Variants in SYNPO2 observed in about 807,000 individuals in gnomAD.
SYNPO2 encodes synaptopodin-2.
Under a neutral mutation model 85.0 loss-of-function variants are expected in SYNPO2, and 56 were observed. That is an observed-to-expected ratio of 0.66 (90% CI 0.53 to 0.82). SYNPO2 has a LOEUF of 0.82. Among genes scored for constraint, SYNPO2 ranks in the 40% least tolerant of loss-of-function variants. SYNPO2 has a pLI of 0.00. For missense variants in SYNPO2, 1,575 were observed against 1,534.2 expected (o/e 1.03, Z -0.44); for synonymous variants, 602 against 591.1 (o/e 1.02, Z -0.27).
intron 1 of SYNPO2, among the ~76,000 whole-genome samples, chr4:118,877,094 C>T (rs1731940010): frequency 6.6e-6 from 1 of 152,094 alleles, no homozygotes; most frequent in African/African-American, 2.4e-5. Flanking sequence ...GGAGCCACTG[C>T]ACCTGGCCTT....
intron 4 of SYNPO2, among the ~76,000 whole-genome samples, chr4:119,053,433 A>G (rs781600325): frequency 6.6e-6 from 1 of 152,208 alleles, no homozygotes. Context: ...CATGTTCGTC[A>G]GTCTGGGGAA....
chr4:118,957,695 G>A (rs1401585139), intron 1 of SYNPO2, among the ~76,000 whole-genome samples: 1 of 152,150 alleles, frequency 6.6e-6, no homozygotes, highest in Non-Finnish European at 1.5e-5. Context: ...CTTTCACTAT[G>A]TAATAAAATG....
intron 1 of SYNPO2, among the ~76,000 whole-genome samples, chr4:118,889,448 C>T (rs1560827291): frequency 6.6e-6 from 1 of 152,138 alleles, no homozygotes; most frequent in African/African-American, 2.4e-5. Flanking sequence ...AGCGTTTCTT[C>T]CAGGCAATTT....
At chr4:119,032,988 GA>G (rs1738347848) in intron 4 of SYNPO2, 1 of 960,814 alleles carries the variant, frequency 1.0e-6, no homozygotes, top group Non-Finnish European at 1.2e-6. Flanking sequence ...AGTTGCCCAT[GA>G]AAGCATAAGT....
intron 1 of SYNPO2, among the ~76,000 whole-genome samples, chr4:118,993,062 A>G (rs1177814109): frequency 1.3e-5 from 2 of 152,212 alleles, no homozygotes; most frequent in Non-Finnish European, 2.9e-5. Context: ...AGATAATAAG[A>G]GTAGATATGC....
At chr4:118,885,619 T>C (rs1024222881), upstream of SYNPO2, among the ~76,000 whole-genome samples, 2 of 152,028 alleles carry the variant, frequency 1.3e-5, no homozygotes, top group African/African-American at 2.4e-5. Context: ...ATTACAGGTG[T>C]GCACCACCAC....
intron 1 of SYNPO2, among the ~76,000 whole-genome samples, chr4:118,947,381 G>T (rs1734545613): frequency 6.6e-6 from 1 of 152,142 alleles, no homozygotes; most frequent in African/African-American, 2.4e-5. Flanking sequence ...TCTATGCCTG[G>T]ATTCCCATAC....
intron 1 of SYNPO2, among the ~76,000 whole-genome samples, chr4:118,900,719 A>ATGTCTG (rs1732717436): frequency 8.2e-6 from 1 of 121,852 alleles, no homozygotes; most frequent in Non-Finnish European, 1.7e-5. Context: ...ATATATATAT[A>ATGTCTG]TATATATATA....
chr4:118,969,325 C>G (rs1735439407), intron 1 of SYNPO2, among the ~76,000 whole-genome samples: 1 of 152,324 alleles, frequency 6.6e-6, no homozygotes. Context: ...TTGTATATGG[C>G]TCCAAAACTG....
At chr4:118,935,410 C>T (rs1734067342) in intron 1 of SYNPO2, among the ~76,000 whole-genome samples, 2 of 152,084 alleles carry the variant, frequency 1.3e-5, no homozygotes, top group East Asian at 1.9e-4. Context: ...TTTTTGTTGT[C>T]GTGGACCTGA....
chr4:118,876,475 T>A (rs1190736495), intron 1 of SYNPO2, among the ~76,000 whole-genome samples: 7 of 152,206 alleles, frequency 4.6e-5, no homozygotes, highest in Non-Finnish European at 1.0e-4. Flanking sequence ...TTATGTATTG[T>A]CTGGCTTCTC....
At position 118,973,389 on chromosome 4, in the gene SYNPO2, T is replaced by A. The variant is rs573616922; in HGVS notation, c.106-50041T>A. ...AAGTGTGTGCACACAGAGGTCAGCT[T>A]CCTTTCACGGTGGTGCTGATTTTTA... On this transcript the variant is annotated intron_variant, in intron 1 of 4. Transcript: ENST00000307142. Among the ~76,000 whole-genome samples the A allele has an allele frequency of 3.3e-5, 5 of 152,060 alleles. No individual in the cohort carries two copies. In the South Asian group the frequency reaches 1.0e-3, roughly 32 times the overall value.
At chr4:118,915,854 T>C (rs527876401) in intron 1 of SYNPO2, among the ~76,000 whole-genome samples, 7 of 152,260 alleles carry the variant, frequency 4.6e-5, no homozygotes, top group African/African-American at 1.2e-4. Flanking sequence ...TATTAGACTT[T>C]TTATTTTTTT....
intron 1 of SYNPO2, among the ~76,000 whole-genome samples, chr4:118,996,310 G>A (rs1442464631): frequency 6.6e-6 from 1 of 152,102 alleles, no homozygotes; most frequent in Non-Finnish European, 1.5e-5. Context: ...CCTCTAGAAA[G>A]GTTTCCCAAA....
chr4:119,051,192 T>TTTG (rs1739028344), intron 4 of SYNPO2, among the ~76,000 whole-genome samples: 1 of 135,466 alleles, frequency 7.4e-6, no homozygotes, highest in Non-Finnish European at 1.6e-5. Flanking sequence ...AGCAATTTTT[T>TTTG]TTTTTTTTTT....
chr4:118,995,920 T>G (rs1403175212), intron 1 of SYNPO2, among the ~76,000 whole-genome samples: 3 of 151,778 alleles, frequency 2.0e-5, no homozygotes, highest in African/African-American at 7.3e-5. Context: ...TATCTAATTT[T>G]GCTTTTTTCT....
At chr4:119,005,902 T>G (rs930532233) in intron 1 of SYNPO2, 2 of 152,192 alleles carry the variant, frequency 1.3e-5, no homozygotes, top group Non-Finnish European at 2.9e-5. Flanking sequence ...TAAAATCCAG[T>G]TGGAGCATTC....
intron 1 of SYNPO2, among the ~76,000 whole-genome samples, chr4:118,929,802 A>G (rs1733863299): frequency 6.6e-6 from 1 of 152,192 alleles, no homozygotes; most frequent in African/African-American, 2.4e-5. Flanking sequence ...AAATTCCATT[A>G]ATCAAAACCT....
intron 1 of SYNPO2, among the ~76,000 whole-genome samples, chr4:118,868,231 A>C (rs189755934): frequency 6.6e-6 from 1 of 152,148 alleles, no homozygotes; most frequent in East Asian, 1.9e-4. Flanking sequence ...ATTGTTTTTC[A>C]AACTGATTTT....
Sources: allele counts gnomAD v4.1 joint callset (sites outside exome capture counted in the v4.1 genomes callset), GRCh38; gene constraint gnomAD v4.1.1; transcripts MANE v1.5; gene names NCBI Gene and HGNC (gene_info 2026-07-23, HGNC 2026-07-21).